The following PCYT1A variants were observed in gnomAD, a reference collection of about 807,000 sequenced individuals.
The protein encoded by PCYT1A is choline-phosphate cytidylyltransferase A.
In PCYT1A, 25 loss-of-function variants were observed where a neutral mutation model predicts 43.7. The ratio of observed to expected loss-of-function variants is 0.57; its 90% CI spans 0.42 to 0.80. The LOEUF (loss-of-function observed/expected upper bound fraction) is 0.80. Among genes scored for constraint, PCYT1A ranks in the 30% least tolerant of loss-of-function variants. The pLI is 0.00. For missense variants in PCYT1A, 421 were observed against 474.2 expected (o/e 0.89, Z 1.04); for synonymous variants, 172 against 170.7 (o/e 1.01, Z -0.06).
chr3:196,239,550 T>C lies in PCYT1A; in HGVS notation c.894A>G (p.Ala298=). 1 of 1,601,780 alleles carries C rather than the reference T, an allele frequency of 6.2e-7. No homozygotes were observed. The change falls in exon 8 of 9, where the codon GCA becomes GCG. Residue 298 remains alanine (A), a synonymous_variant. Transcript: ENST00000431016. The stretch of plus-strand genomic sequence containing the variant: ...TGTCCAGTGGGAAAGAACATACCAG[T>C]GCTCCTTCCGGACCAAACATTTCCA... ...SFLEMFGPEG[A]LKHMLKEGKG...
At chr3:196,241,816 G>C (rs756560957) in intron 7 of PCYT1A, 132 bp downstream of exon 7, 14 of 1,218,184 alleles carry the variant, frequency 1.1e-5, no homozygotes, top group South Asian at 2.6e-5. Context: ...AGTTAACATA[G>C]TGGTAATTCA....
intron 3 of PCYT1A, among the ~76,000 whole-genome samples, chr3:196,254,079 T>C (rs1577362401): frequency 6.7e-6 from 1 of 150,320 alleles, no homozygotes; most frequent in African/African-American, 2.4e-5. Context: ...CAGGCTAGAG[T>C]GCAGTGACGT....
Position 196,247,153 on chromosome 3 carries a change from T to G in PCYT1A, c.486+214A>C, listed in dbSNP as rs967568452. ...GGATTGCTGTGGGCAGAAAATGGAATAGAATGGATGTAAAAGTGCTTGCAA... is the reference window on the plus strand; with the variant it reads ...GGATTGCTGTGGGCAGAAAATGGAAGAGAATGGATGTAAAAGTGCTTGCAA... On this transcript the variant is annotated intron_variant, in intron 5 of 8. Coordinates refer to ENST00000431016, the MANE Select transcript of PCYT1A (RefSeq NM_001312673.2). The surrounding 1 kb of genome is among the most constrained non-coding windows in gnomAD (Gnocchi z 4.8). Among the ~76,000 whole-genome samples the G allele has an allele frequency of 6.6e-6, 1 of 152,196 alleles. No individual in the cohort carries two copies. The highest frequency in any genetic ancestry group is 1.9e-4 in the East Asian group (1 of 5,200).
intron 2 of PCYT1A, among the ~76,000 whole-genome samples, chr3:196,264,872 T>G (rs1313168121): frequency 6.6e-6 from 1 of 152,122 alleles, no homozygotes; most frequent in East Asian, 1.9e-4. Context: ...CTTTTCATCC[T>G]TGCATCTCCA....
rs1229424693 is a variant in PCYT1A, at chr3:196,239,740, A to T, written c.709-5T>A. ...CTGCAAGTGGTATTTCTTCTCCTAGATAAAGAAATAACTCTTCTGAGAAAT... is the reference window on the plus strand; with the variant it reads ...CTGCAAGTGGTATTTCTTCTCCTAGTTAAAGAAATAACTCTTCTGAGAAAT... On this transcript the variant is annotated splice_polypyrimidine_tract_variant and splice_region_variant and intron_variant, in intron 7 of 8. Coordinates refer to ENST00000431016, the MANE Select transcript of PCYT1A (RefSeq NM_001312673.2). 2 of 1,572,180 alleles carry T rather than the reference A, an allele frequency of 1.3e-6. No homozygotes were observed. Among genetic ancestry groups the T allele is most frequent in the South Asian group, 2.2e-5 (2 of 90,216 alleles).
In PCYT1A at chr3:196,238,462, T is replaced by C. The variant is rs1724240334; in HGVS notation, c.*226A>G. 2.7e-6 allele frequency: 1 copy of C among 371,858 alleles called. No individual in the cohort carries two copies. The highest frequency in any genetic ancestry group is 1.4e-4 in the South Asian group (1 of 7,370). The allele number at this position is 371,858 out of a possible 1,614,324, so 23.0% of individuals were successfully genotyped here. A position where few individuals can be genotyped will look rare whatever the true frequency, so the allele number is the denominator to read the frequency against. ...AAGCCCTTGGGGGGGGGTAAATGGA[T>C]GCAGAGCAGGCTTCTAAGGTGCAGT... On this transcript the variant is annotated 3_prime_UTR_variant, in exon 9 of 9. Transcript: ENST00000431016.
In PCYT1A at chr3:196,268,532, C is replaced by T. The variant is rs928983722; in HGVS notation, c.117+1883G>A. On this transcript the variant is annotated intron_variant, in intron 2 of 8. Coordinates refer to ENST00000431016, the MANE Select transcript of PCYT1A (RefSeq NM_001312673.2). The surrounding 1 kb of genome is among the most constrained non-coding windows in gnomAD (Gnocchi z 4.4). ...GGCACAGTGGCTCACGCCTGGTAAT[C>T]CTAGCACTCTGGGAGGCCGAGATAG... 2.0e-5 allele frequency among the ~76,000 whole-genome samples: 3 copies of T among 152,118 alleles called. No individual in the cohort carries two copies. Among genetic ancestry groups the T allele is most frequent in the Non-Finnish European group, 4.4e-5 (3 of 68,008 alleles).
intron 2 of PCYT1A, among the ~76,000 whole-genome samples, chr3:196,262,786 CTT>C (rs200006356): frequency 5.1e-5 from 7 of 138,286 alleles, no homozygotes; most frequent in Non-Finnish European, 9.3e-5. Context: ...TCTAAGGATT[CTT>C]TTTTTTTTTT....
chr3:196,272,599 G>A (rs1725466208), intron 1 of PCYT1A, among the ~76,000 whole-genome samples: 1 of 152,276 alleles, frequency 6.6e-6, no homozygotes, highest in African/African-American at 2.4e-5. Context: ...AATTACAGGT[G>A]TGAACCACTG....
At chr3:196,262,421 T>C (rs1725138582) in intron 2 of PCYT1A, among the ~76,000 whole-genome samples, 1 of 152,236 alleles carries the variant, frequency 6.6e-6, no homozygotes, top group Non-Finnish European at 1.5e-5. Flanking sequence ...CTCGACGAAT[T>C]TGTCGTTAGC....
chr3:196,253,924 AT>A (rs1401350204), intron 3 of PCYT1A, among the ~76,000 whole-genome samples: 2 of 149,564 alleles, frequency 1.3e-5, no homozygotes, highest in African/African-American at 2.4e-5. Context: ...TTTTAATATA[AT>A]TTTTCCTGTT....
At chr3:196,249,007 G>C (rs866166344) in intron 3 of PCYT1A, among the ~76,000 whole-genome samples, 3 of 151,898 alleles carry the variant, frequency 2.0e-5, no homozygotes, top group African/African-American at 7.3e-5. Context: ...TGATCCACCC[G>C]CCTAAGCCTC....
chr3:196,282,582 C>T lies in PCYT1A; in HGVS notation c.-11+5033G>A, dbSNP rs965755116. Among the ~76,000 whole-genome samples, 2 of 152,126 alleles carry T rather than the reference C, an allele frequency of 1.3e-5. No homozygotes were observed. The highest frequency in any genetic ancestry group is 4.8e-5 in the African/African-American group (2 of 41,418). Reference sequence around the variant, plus strand: ...ATGGATATTTTCATACCATATCATACTTCTTAAATTTTGATAACTATATAT... The same window carrying T: ...ATGGATATTTTCATACCATATCATATTTCTTAAATTTTGATAACTATATAT... On this transcript the variant is annotated intron_variant, in intron 1 of 8. Coordinates refer to ENST00000431016, the MANE Select transcript of PCYT1A (RefSeq NM_001312673.2). This position sits in a 1 kb window ranked among gnomAD's most constrained non-coding sequence, Gnocchi z 4.3.
At chr3:196,275,452 C>T (rs4916456) in intron 1 of PCYT1A, among the ~76,000 whole-genome samples, 55,838 of 152,120 alleles carry the variant, frequency 0.37, 10,968 homozygotes, top group East Asian at 0.82. Context: ...AAAGGAGAAA[C>T]AGGCTGGGCA....
chr3:196,239,826 T>C (rs1415627907), intron 7 of PCYT1A, 91 bp from the exon 8 acceptor site: 3 of 803,778 alleles, frequency 3.7e-6, no homozygotes, highest in East Asian at 2.4e-5. Flanking sequence ...AAGCACTCAA[T>C]TGACACTGTT....
chr3:196,244,363 G>A (rs563451063), intron 5 of PCYT1A, among the ~76,000 whole-genome samples: 5 of 150,284 alleles, frequency 3.3e-5, no homozygotes, highest in African/African-American at 1.2e-4. Context: ...GAAGTGAGGA[G>A]CGTCTCTGCC....
chr3:196,249,613 T>C (rs1259964750), intron 3 of PCYT1A, among the ~76,000 whole-genome samples: 1 of 152,184 alleles, frequency 6.6e-6, no homozygotes, highest in Non-Finnish European at 1.5e-5. Context: ...AGAATCAGCA[T>C]AATGGTCCAT....
At chr3:196,239,109 T>G (rs1724273104) in intron 8 of PCYT1A, among the ~76,000 whole-genome samples, 1 of 152,224 alleles carries the variant, frequency 6.6e-6, no homozygotes, top group South Asian at 2.1e-4. Flanking sequence ...CTTCCTGATA[T>G]CTAACCTAGG....
intron 3 of PCYT1A, among the ~76,000 whole-genome samples, chr3:196,248,552 A>G (rs1724643485): frequency 6.6e-6 from 1 of 151,348 alleles, no homozygotes; most frequent in Non-Finnish European, 1.5e-5. Context: ...TTGTGTTTTT[A>G]GTAGAGATGG....
Sources: allele counts gnomAD v4.1 joint callset (sites outside exome capture counted in the v4.1 genomes callset), GRCh38; gene constraint gnomAD v4.1.1; non-coding constraint Gnocchi (gnomAD v3.1); transcripts MANE v1.5; gene names NCBI Gene and HGNC (gene_info 2026-07-23, HGNC 2026-07-21).